The following NRG3 variants were observed in gnomAD, a reference collection of about 807,000 sequenced individuals.
NRG3 encodes the protein pro-neuregulin-3, membrane-bound isoform.
NRG3 carries 31 observed loss-of-function variants against 66.9 expected under a neutral mutation model. That is an observed-to-expected ratio of 0.46 (90% CI 0.35 to 0.63). The LOEUF is 0.63. NRG3 is among the 20% of genes least tolerant of loss of function. The probability of loss-of-function intolerance (pLI) is 0.00; values close to 1 mark genes in which losing one functional copy is unlikely to be tolerated. For synonymous variants in NRG3, 393 were observed against 359.4 expected (o/e 1.09, Z -1.06); for missense variants, 910 against 878.9 (o/e 1.04, Z -0.45).
intron 1 of NRG3, among the ~76,000 whole-genome samples, chr10:81,896,729 G>A (rs988620801): frequency 6.6e-6 from 1 of 150,982 alleles, no homozygotes; most frequent in Non-Finnish European, 1.5e-5. Context: ...AAGGGGGAAT[G>A]AAGGTATTCA....
chr10:82,279,649 A>G (rs746178225), intron 1 of NRG3, among the ~76,000 whole-genome samples: 10 of 152,178 alleles, frequency 6.6e-5, no homozygotes, highest in Non-Finnish European at 1.3e-4. Context: ...TTTTCTGACA[A>G]CGAACACGGA....
chr10:81,875,899 A>G lies in NRG3; in HGVS notation c.559A>G (p.Thr187Ala). The G allele has an allele frequency of 3.7e-6, 6 of 1,612,494 alleles. No homozygotes were observed. The highest frequency in any genetic ancestry group is 5.1e-6 in the Non-Finnish European group (6 of 1,179,926). The change falls in exon 1 of 9, where the codon ACT becomes GCT. Residue 187 changes from threonine (T) to alanine (A), a missense_variant. By Grantham distance (58) the Thr-to-Ala change is moderately conservative (BLOSUM62 0). Transcript: ENST00000372141. The surrounding 1 kb of genome is among the most constrained non-coding windows in gnomAD (Gnocchi z 5.3). ...ASPRSTTARN[T>A]AAPATVPSTT... ...CCCGCGCTCCACCACAGCACGGAACACTGCGGCCCCTGCGACGGTCCCGTC... is the reference window on the plus strand; with the variant it reads ...CCCGCGCTCCACCACAGCACGGAACGCTGCGGCCCCTGCGACGGTCCCGTC...
intron 1 of NRG3, among the ~76,000 whole-genome samples, chr10:82,263,390 T>C (rs1244820282): frequency 2.0e-5 from 3 of 152,200 alleles, no homozygotes; most frequent in African/African-American, 7.2e-5. Flanking sequence ...CCTTTTAAGT[T>C]TTCTATTGAA....
chr10:82,565,554 C>A (rs2045345580), intron 2 of NRG3, among the ~76,000 whole-genome samples: 1 of 152,056 alleles, frequency 6.6e-6, no homozygotes, highest in South Asian at 2.1e-4. Flanking sequence ...CAGTGGCCCA[C>A]TTTATGCAAT....
chr10:82,674,140 T>G (rs942658639), intron 2 of NRG3, among the ~76,000 whole-genome samples: 1 of 152,050 alleles, frequency 6.6e-6, no homozygotes, highest in Non-Finnish European at 1.5e-5. Flanking sequence ...TATGGCAAAA[T>G]TAGACAAAGC....
At chr10:81,967,115 A>G (rs2133335403) in intron 1 of NRG3, among the ~76,000 whole-genome samples, 1 of 151,768 alleles carries the variant, frequency 6.6e-6, no homozygotes, top group East Asian at 1.9e-4. Flanking sequence ...TTATATTTTA[A>G]TAGGTCCCTA....
chr10:81,926,866 A>T (rs1470739939), intron 1 of NRG3, among the ~76,000 whole-genome samples: 1 of 152,188 alleles, frequency 6.6e-6, no homozygotes, highest in Non-Finnish European at 1.5e-5. Flanking sequence ...AACTACTCTG[A>T]ATCTCAGTAA....
At chr10:82,402,546 A>G (rs954907730) in intron 2 of NRG3, among the ~76,000 whole-genome samples, 2 of 152,156 alleles carry the variant, frequency 1.3e-5, no homozygotes, top group Non-Finnish European at 2.9e-5. Context: ...TAGAACTTTA[A>G]GTCATATTTA....
At chr10:82,891,269 A>G (rs1345350492) in intron 4 of NRG3, among the ~76,000 whole-genome samples, 3 of 151,888 alleles carry the variant, frequency 2.0e-5, no homozygotes, top group Non-Finnish European at 4.4e-5. Context: ...GTCTGCTTAA[A>G]ATACATATTC....
At chr10:82,664,888 A>G (rs1318653402) in intron 2 of NRG3, among the ~76,000 whole-genome samples, 1 of 152,066 alleles carries the variant, frequency 6.6e-6, no homozygotes, top group Non-Finnish European at 1.5e-5. Context: ...GACCACAAAG[A>G]TCACCACAAC....
At chr10:82,623,545 T>C (rs907512249) in intron 2 of NRG3, among the ~76,000 whole-genome samples, 1 of 152,148 alleles carries the variant, frequency 6.6e-6, no homozygotes, top group African/African-American at 2.4e-5. Context: ...ACTTCAGGGA[T>C]AGTTACATGG....
intron 1 of NRG3, among the ~76,000 whole-genome samples, chr10:82,286,896 A>G (rs930186117): frequency 6.6e-6 from 1 of 152,188 alleles, no homozygotes; most frequent in Admixed American, 6.5e-5. Flanking sequence ...AGATATAACC[A>G]TTTCTTATAG....
chr10:81,905,965 G>A (rs1275374019), intron 1 of NRG3, among the ~76,000 whole-genome samples: 3 of 152,108 alleles, frequency 2.0e-5, no homozygotes, highest in African/African-American at 7.2e-5. Context: ...AATGTTGTTT[G>A]GTCATGTTTC....
At chr10:82,980,995 T>G (rs771523728) in intron 8 of NRG3, among the ~76,000 whole-genome samples, 5 of 152,090 alleles carry the variant, frequency 3.3e-5, no homozygotes. Flanking sequence ...CAAGAACAAG[T>G]GAGGGAAAAT....
chr10:82,812,377 C>T (rs962021731), intron 3 of NRG3, among the ~76,000 whole-genome samples: 1 of 152,164 alleles, frequency 6.6e-6, no homozygotes, highest in Admixed American at 6.5e-5. Flanking sequence ...CTAGAACCAA[C>T]CAACCAATGA....
chr10:82,462,827 A>C (rs1352465793), intron 2 of NRG3, among the ~76,000 whole-genome samples: 1 of 152,202 alleles, frequency 6.6e-6, no homozygotes, highest in Non-Finnish European at 1.5e-5. Context: ...ACAAGTCTAA[A>C]ATTGATCTTG....
At chr10:81,890,592 T>C (rs1293106830) in intron 1 of NRG3, among the ~76,000 whole-genome samples, 2 of 152,214 alleles carry the variant, frequency 1.3e-5, no homozygotes, top group Non-Finnish European at 2.9e-5. Flanking sequence ...TCTACAACTC[T>C]CAGCTCCCTG....
intron 1 of NRG3, among the ~76,000 whole-genome samples, chr10:82,064,336 A>C: frequency 6.6e-6 from 1 of 151,994 alleles, no homozygotes; most frequent in African/African-American, 2.4e-5. Flanking sequence ...TACTAACTAA[A>C]GGTAATCATT....
In NRG3 at chr10:82,077,655, G is replaced by A. The variant is rs564188588; in HGVS notation, c.823+201492G>A. Among the ~76,000 whole-genome samples the A allele has an allele frequency of 2.0e-5, 3 of 152,296 alleles. No homozygotes were observed. In the South Asian group the frequency reaches 6.2e-4, roughly 32 times the overall value. The stretch of plus-strand genomic sequence containing the variant: ...GGATTTGACCAATTCCTAAGGGCAA[G>A]CAAACATCTTGAAGTTTAAAGAAAT... On this transcript the variant is annotated intron_variant, in intron 1 of 8. Coordinates refer to ENST00000372141, the MANE Select transcript of NRG3 (RefSeq NM_001010848.4).
Sources: gnomAD v4.1 joint callset for allele counts (sites outside exome capture counted in the v4.1 genomes callset) on GRCh38, gnomAD v4.1.1 for gene constraint, Gnocchi (gnomAD v3.1) non-coding constraint, MANE v1.5 for transcripts, NCBI Gene and HGNC (gene_info 2026-07-23, HGNC 2026-07-21) for gene names.